The following NCMAP variants were observed in gnomAD, a reference collection of about 807,000 sequenced individuals.
NCMAP encodes the protein noncompact myelin-associated protein.
NCMAP carries 8 observed loss-of-function variants against 7.8 expected under a neutral mutation model. The ratio of observed to expected loss-of-function variants is 1.02; its 90% CI spans 0.60 to 1.84. The LOEUF (loss-of-function observed/expected upper bound fraction) is 1.84, where lower values mean the gene tolerates loss of function less well. Among genes scored for constraint, NCMAP ranks in the 40% most tolerant of loss-of-function variants. The probability of loss-of-function intolerance (pLI) is 0.00; values close to 1 mark genes in which losing one functional copy is unlikely to be tolerated. For synonymous variants in NCMAP, 41 were observed against 52.9 expected, an observed-to-expected ratio of 0.78 and a Z score of 0.98; for missense variants, 112 against 131.4, an observed-to-expected ratio of 0.85 and a Z score of 0.72.
At chr1:24,597,621 A>G (rs9701599) in intron 2 of NCMAP, among the ~76,000 whole-genome samples, 8,148 of 57,792 alleles carry the variant, frequency 0.14, 591 homozygotes, top group Middle Eastern at 0.26. Flanking sequence ...AAGAAAGAGA[A>G]AGAAAGAAAG....
At chr1:24,579,581 A>G (rs1651688108) in intron 1 of NCMAP, among the ~76,000 whole-genome samples, 1 of 152,140 alleles carries the variant, frequency 6.6e-6, no homozygotes. Flanking sequence ...AAAACTAAAA[A>G]TTAAAAAAGT....
chr1:24,573,316 C>T (rs745822003), intron 1 of NCMAP, among the ~76,000 whole-genome samples: 2 of 150,844 alleles, frequency 1.3e-5, no homozygotes, highest in Non-Finnish European at 2.9e-5. Flanking sequence ...TGGGGCTGGG[C>T]GCAGTGGCTC....
chr1:24,577,420 T>TTTTTGG (rs1557596589), intron 1 of NCMAP, among the ~76,000 whole-genome samples: 1 of 143,750 alleles, frequency 7.0e-6, no homozygotes, highest in Non-Finnish European at 1.5e-5. Context: ...TTTTTTTTTT[T>TTTTTGG]TTTTTTTTTT....
chr1:24,572,427 G>A (rs1651416646), intron 1 of NCMAP, among the ~76,000 whole-genome samples: 1 of 150,660 alleles, frequency 6.6e-6, no homozygotes, highest in Non-Finnish European at 1.5e-5. Context: ...TCACTGAATG[G>A]TGCAGGCTGG....
chr1:24,577,401 G>GTTTTTTTTTGTTTTTTTT lies in NCMAP; in HGVS notation c.-7-18014_-7-18013insGTTTTTTTTTTTTTTTTT, dbSNP rs1651605073. Among the ~76,000 whole-genome samples the GTTTTTTTTTGTTTTTTTT allele has an allele frequency of 4.3e-4, 17 of 39,956 alleles. 2 individuals carry two copies. Among genetic ancestry groups the GTTTTTTTTTGTTTTTTTT allele is most frequent in the African/African-American group, 1.3e-3 (12 of 9,408 alleles). 26.2% of individuals were successfully genotyped at this position (39,956 alleles called of 152,430 possible). ...GAGTTTCTAAGAAGGCACTGGCCTT[G>GTTTTTTTTTGTTTTTTTT]TTTTTTTTTTTTTTTTTTTTTTTTT... On this transcript the variant is annotated intron_variant, in intron 1 of 3. Transcript: ENST00000374392.
At chr1:24,600,405 C>T (rs1413806634) in intron 2 of NCMAP, among the ~76,000 whole-genome samples, 1 of 152,158 alleles carries the variant, frequency 6.6e-6, no homozygotes, top group Admixed American at 6.5e-5. Context: ...CCTCCCACCC[C>T]ATCCTCTCAA....
At chr1:24,600,263 T>C (rs1652431380) in intron 2 of NCMAP, among the ~76,000 whole-genome samples, 1 of 151,916 alleles carries the variant, frequency 6.6e-6, no homozygotes, top group Non-Finnish European at 1.5e-5. Context: ...AGATCCTCCC[T>C]CCTCAGCCTC....
At chr1:24,585,015 G>A (rs1651842916) in intron 1 of NCMAP, among the ~76,000 whole-genome samples, 1 of 151,848 alleles carries the variant, frequency 6.6e-6, no homozygotes, top group Non-Finnish European at 1.5e-5. Context: ...CAGGATGAAA[G>A]AATAGATGGG....
chr1:24,559,394 G>A (rs541753518), intron 1 of NCMAP, among the ~76,000 whole-genome samples: 1 of 152,156 alleles, frequency 6.6e-6, no homozygotes, highest in African/African-American at 2.4e-5. Flanking sequence ...GTGGGCAGGA[G>A]GCGGCAGGAA....
chr1:24,560,631 C>G (rs1422294578), intron 1 of NCMAP, among the ~76,000 whole-genome samples: 1 of 152,050 alleles, frequency 6.6e-6, no homozygotes, highest in Non-Finnish European at 1.5e-5. Flanking sequence ...GTGGTCCCAG[C>G]TCCTCGGGAG....
At chr1:24,597,694 G>GAAAGAAAGAAAGAAAGAAAGAA (rs138105001) in intron 2 of NCMAP, among the ~76,000 whole-genome samples, 55 of 127,926 alleles carry the variant, frequency 4.3e-4, no homozygotes, top group African/African-American at 1.1e-3. Context: ...AAGAAAGAAA[G>GAAAGAAAGAAAGAAAGAAAGAA]AGAAAGAAGG....
rs900835014 is a variant in NCMAP at position 24,608,614 on chromosome 1, G to A, written c.*2867G>A. 3.3e-5 allele frequency: 5 copies of A among 152,240 alleles called. No individual in the cohort carries two copies. Among genetic ancestry groups the A allele is most frequent in the African/African-American group, 1.2e-4 (5 of 41,430 alleles). The allele number at this position is 152,240 out of a possible 1,614,324, so 9.4% of individuals were successfully genotyped here. A position where few individuals can be genotyped will look rare whatever the true frequency, so the allele number is the denominator to read the frequency against. On this transcript the variant is annotated 3_prime_UTR_variant, in exon 4 of 4. Coordinates refer to ENST00000374392, the MANE Select transcript of NCMAP (RefSeq NM_001010980.5). ...ATATTCGGCTTGAAAAAGTTGTTTT[G>A]GGGCAGCTGTGGTGGTGCACCCCTG...
chr1:24,592,127 G>A (rs1652065543), intron 1 of NCMAP, among the ~76,000 whole-genome samples: 1 of 152,246 alleles, frequency 6.6e-6, no homozygotes, highest in Admixed American at 6.5e-5. Flanking sequence ...GATGGGGGAA[G>A]AGGGAGTGCC....
In NCMAP at chr1:24,586,206, A is replaced by G. The variant is rs561446067; in HGVS notation, c.-7-9218A>G. On this transcript the variant is annotated intron_variant, in intron 1 of 3. Coordinates refer to ENST00000374392, the MANE Select transcript of NCMAP (RefSeq NM_001010980.5). ...TGAAAATCCAGGTCTAGGCAACCCC[A>G]AAGCCCTTGCTGGGTCATGAGCCCC... Among the ~76,000 whole-genome samples, 8 of 152,328 alleles carry G rather than the reference A, an allele frequency of 5.3e-5. No individual in the cohort carries two copies. In the East Asian group the frequency reaches 1.5e-3, roughly 29 times the overall value.
intron 1 of NCMAP, among the ~76,000 whole-genome samples, chr1:24,578,318 G>C (rs368544841): frequency 6.6e-6 from 1 of 151,930 alleles, no homozygotes. Context: ...GCTCCCGGGG[G>C]CTTTGCTGGC....
In NCMAP at chr1:24,604,611, T is replaced by A. The variant is rs1346875980; in HGVS notation, c.168-995T>A. On this transcript the variant is annotated intron_variant, in intron 3 of 3. Coordinates refer to ENST00000374392, the MANE Select transcript of NCMAP (RefSeq NM_001010980.5). ...AAAAAAAAAAAAAAAAAAAAATATATATATATATATATATATATATATATA... is the reference window on the plus strand; with the variant it reads ...AAAAAAAAAAAAAAAAAAAAATATAAATATATATATATATATATATATATA... 6.3e-3 allele frequency among the ~76,000 whole-genome samples: 77 copies of A among 12,182 alleles called. 4 individuals are homozygous for A. The highest frequency in any genetic ancestry group is 0.011 in the Admixed American group (10 of 912). The allele number at this position is 12,182 out of a possible 152,430, so 8.0% of individuals were successfully genotyped here.
chr1:24,595,202 T>C (rs1652180383), intron 1 of NCMAP, among the ~76,000 whole-genome samples: 3 of 152,180 alleles, frequency 2.0e-5, no homozygotes, highest in African/African-American at 7.2e-5. Flanking sequence ...GTTGAATAAA[T>C]TTAAGCAGTT....
chr1:24,604,474 G>T (rs1652615122), intron 3 of NCMAP, among the ~76,000 whole-genome samples: 1 of 147,268 alleles, frequency 6.8e-6, no homozygotes, highest in African/African-American at 2.5e-5. Context: ...TATTTGGGAG[G>T]CTGAGGTGGG....
At chr1:24,603,712 G>A (rs1652587128) in intron 3 of NCMAP, among the ~76,000 whole-genome samples, 2 of 152,118 alleles carry the variant, frequency 1.3e-5, no homozygotes, top group Non-Finnish European at 2.9e-5. Flanking sequence ...GGAGTATTTA[G>A]GAGTGCAGTG....
Sources: allele counts gnomAD v4.1 joint callset (sites outside exome capture counted in the v4.1 genomes callset), GRCh38; gene constraint gnomAD v4.1.1; transcripts MANE v1.5; gene names NCBI Gene and HGNC (gene_info 2026-07-23, HGNC 2026-07-21).